NAALADL2: variants seen among roughly 807,000 people sequenced by gnomAD.
The protein encoded by NAALADL2 is inactive N-acetylated-alpha-linked acidic dipeptidase-like protein 2.
A neutral mutation model predicts 87.2 loss-of-function variants in NAALADL2; 76 were observed. The ratio of observed to expected loss-of-function variants is 0.87; its 90% CI spans 0.72 to 1.05. The LOEUF (loss-of-function observed/expected upper bound fraction) is 1.05. NAALADL2 is among the 50% of genes least tolerant of loss of function. The pLI, the probability that NAALADL2 is intolerant of heterozygous loss-of-function variation, is 0.00. For synonymous variants in NAALADL2, 354 were observed against 331.0 expected (o/e 1.07, Z -0.75); for missense variants, 1,089 against 945.8 (o/e 1.15, Z -1.99).
chr3:174,563,093 T>C, intron 2 of NAALADL2, among the ~76,000 whole-genome samples: 1 of 151,990 alleles, frequency 6.6e-6, no homozygotes, highest in Non-Finnish European at 1.5e-5. Flanking sequence ...TGAAATGATT[T>C]TGTTAATTTT....
chr3:174,489,523 A>G (rs933933678), intron 1 of NAALADL2, among the ~76,000 whole-genome samples: 19 of 152,068 alleles, frequency 1.2e-4, no homozygotes, highest in African/African-American at 4.3e-4. Context: ...TTTGTTTTGC[A>G]AATTATACAA....
At chr3:174,742,881 A>G (rs1733890968) in intron 3 of NAALADL2, among the ~76,000 whole-genome samples, 1 of 151,728 alleles carries the variant, frequency 6.6e-6, no homozygotes, top group East Asian at 1.9e-4. Context: ...AATACAAAAT[A>G]ACAATGATGT....
chr3:174,932,073 T>C (rs1280085152), intron 1 of NAALADL2, among the ~76,000 whole-genome samples: 1 of 152,204 alleles, frequency 6.6e-6, no homozygotes, highest in Non-Finnish European at 1.5e-5. Context: ...GTTTCAAGAT[T>C]TATTGGACAC....
chr3:175,487,483 C>A (rs1048088507), intron 9 of NAALADL2: 4 of 455,696 alleles, frequency 8.8e-6, no homozygotes, highest in African/African-American at 2.0e-5. Context: ...CCATCCAAAG[C>A]ACTATCCATG....
At chr3:175,366,818 A>G (rs1168814336) in intron 5 of NAALADL2, among the ~76,000 whole-genome samples, 2 of 151,334 alleles carry the variant, frequency 1.3e-5, no homozygotes, top group Admixed American at 6.6e-5. Flanking sequence ...TTGCCTGTTC[A>G]CTCTGTTGGT....
chr3:175,486,808 G>A lies in NAALADL2; in HGVS notation c.1653+15050G>A, dbSNP rs1202007740. Among the ~76,000 whole-genome samples the A allele has an allele frequency of 5.3e-5, 8 of 152,138 alleles. No homozygotes were observed. In the East Asian group the frequency reaches 1.5e-3, roughly 29 times the overall value. On this transcript the variant is annotated intron_variant, in intron 9 of 13. Coordinates refer to ENST00000454872, the MANE Select transcript of NAALADL2 (RefSeq NM_207015.3). ...AGTTGTTTAGGACAAAGACCTTGGA[G>A]ACCTCTTTCACTCCTCTCTTTATCT...
chr3:175,382,877 C>G (rs779829687), intron 5 of NAALADL2, among the ~76,000 whole-genome samples: 2 of 151,916 alleles, frequency 1.3e-5, no homozygotes, highest in African/African-American at 2.4e-5. Context: ...TTGACAATAG[C>G]CTTTCAATAT....
chr3:174,788,831 T>C (rs186166184), intron 3 of NAALADL2, among the ~76,000 whole-genome samples: 1 of 152,290 alleles, frequency 6.6e-6, no homozygotes, highest in East Asian at 1.9e-4. Flanking sequence ...GAGATCAACC[T>C]ATACAGGCAT....
intron 1 of NAALADL2, among the ~76,000 whole-genome samples, chr3:174,965,956 C>A (rs1742800115): frequency 6.6e-6 from 1 of 152,066 alleles, no homozygotes; most frequent in Admixed American, 6.6e-5. Context: ...GAGAGTAGGA[C>A]AATGAATTTG....
chr3:174,612,646 A>G (rs1259406237), intron 2 of NAALADL2, among the ~76,000 whole-genome samples: 1 of 151,922 alleles, frequency 6.6e-6, no homozygotes, highest in Non-Finnish European at 1.5e-5. Context: ...CTTTTTAATT[A>G]TTTCATTCTT....
intron 1 of NAALADL2, among the ~76,000 whole-genome samples, chr3:174,455,454 T>A (rs1473788068): frequency 6.6e-6 from 1 of 152,134 alleles, no homozygotes; most frequent in Non-Finnish European, 1.5e-5. Context: ...ACATCCTTGA[T>A]GCACATCAAT....
Position 175,590,353 on chromosome 3 carries a change from T to G in NAALADL2, c.1800+14166T>G, listed in dbSNP as rs1394986809. 6.0e-5 allele frequency among the ~76,000 whole-genome samples: 9 copies of G among 151,096 alleles called. No individual in the cohort carries two copies. The South Asian group carries it at 6.2e-4, about 10-fold the overall frequency. Reference sequence around the variant, plus strand: ...GACCTGTTGAATTTTTTTTTTTTTTTGGAAAGAATAGTCGATATAGTGTCT... The same window carrying G: ...GACCTGTTGAATTTTTTTTTTTTTTGGGAAAGAATAGTCGATATAGTGTCT... On this transcript the variant is annotated intron_variant, in intron 10 of 13. Transcript: ENST00000454872.
intron 3 of NAALADL2, among the ~76,000 whole-genome samples, chr3:174,765,609 C>T (rs1713702749): frequency 6.6e-6 from 1 of 152,106 alleles, no homozygotes; most frequent in Non-Finnish European, 1.5e-5. Flanking sequence ...AACAATGTTG[C>T]TTATCTTCAA....
intron 2 of NAALADL2, among the ~76,000 whole-genome samples, chr3:174,669,533 C>G (rs997415681): frequency 6.6e-6 from 1 of 152,054 alleles, no homozygotes; most frequent in African/African-American, 2.4e-5. Flanking sequence ...GTACTCTTGT[C>G]AAAGGTAATT....
At position 175,234,120 on chromosome 3, in the gene NAALADL2, G is replaced by A. The variant is rs1216423015; in HGVS notation, c.735G>A (p.Gln245=). The change falls in exon 3 of 14, where the codon CAG becomes CAA. Residue 245 remains glutamine (Q), a synonymous_variant. Transcript: ENST00000454872. The part of the protein sequence containing the change: ...SSGQCFHPNG[Q]PCSEEARKDS... ...GTCAATGCTTTCATCCTAATGGCCA[G>A]CCTTGCAGTGAAGAAGCCAGAAAAG... 1.9e-6 allele frequency: 3 copies of A among 1,613,866 alleles called. No individual in the cohort carries two copies. Among genetic ancestry groups the A allele is most frequent in the Non-Finnish European group, 1.7e-6 (2 of 1,179,828 alleles).
chr3:175,293,036 CAAAAAAAAAAAAAAAA>C (rs568981496), intron 4 of NAALADL2, among the ~76,000 whole-genome samples: 2 of 49,426 alleles, frequency 4.0e-5, no homozygotes, highest in South Asian at 3.5e-3. Context: ...GACTCCGTCT[CAAAAAAAAAAAAAAAA>C]AAAAAAAAAA....
chr3:175,592,827 C>T (rs1721711241), intron 10 of NAALADL2, among the ~76,000 whole-genome samples: 1 of 151,314 alleles, frequency 6.6e-6, no homozygotes, highest in Admixed American at 6.6e-5. Flanking sequence ...CAGCATGGCA[C>T]ATGTATACAT....
intron 1 of NAALADL2, among the ~76,000 whole-genome samples, chr3:174,464,216 G>A (rs1173375929): frequency 3.9e-5 from 6 of 152,002 alleles, no homozygotes; most frequent in Non-Finnish European, 8.8e-5. Context: ...CCCCTTAAAA[G>A]TGTTTTATGT....
At chr3:175,698,503 A>ATAT (rs1491393693) in intron 11 of NAALADL2, among the ~76,000 whole-genome samples, 8 of 141,334 alleles carry the variant, frequency 5.7e-5, no homozygotes, top group African/African-American at 1.6e-4. Context: ...ATATATATAT[A>ATAT]AAATCTCCAA....
Sources: gnomAD v4.1 joint callset for allele counts (sites outside exome capture counted in the v4.1 genomes callset) on GRCh38, gnomAD v4.1.1 for gene constraint, MANE v1.5 for transcripts, NCBI Gene and HGNC (gene_info 2026-07-23, HGNC 2026-07-21) for gene names.